Variants in ASAP1 observed in about 807,000 individuals in gnomAD.
ASAP1 encodes ArfGAP with SH3 domain, ankyrin repeat and PH domain 1, also known as arf-GAP with SH3 domain, ANK repeat and PH domain-containing protein 1.
Under a neutral mutation model 145.2 loss-of-function variants are expected in ASAP1, and 43 were observed. The observed-to-expected ratio is 0.30, with a 90% CI of 0.23 to 0.38. The LOEUF (loss-of-function observed/expected upper bound fraction) is 0.38. Among genes scored for constraint, ASAP1 ranks in the 10% least tolerant of loss-of-function variants. ASAP1 has a pLI of 1.00. For synonymous variants in ASAP1, 546 were observed against 515.5 expected, an observed-to-expected ratio of 1.06 and a Z score of -0.80; for missense variants, 1,018 against 1,355.3, an observed-to-expected ratio of 0.75 and a Z score of 3.91.
chr8:130,395,533 G>A (rs1306136842), intron 2 of ASAP1, among the ~76,000 whole-genome samples: 1 of 152,210 alleles, frequency 6.6e-6, no homozygotes, highest in Non-Finnish European at 1.5e-5. Context: ...GCAAGCTGAG[G>A]AACATCAACG....
At chr8:130,407,382 G>C (rs1438071026) in intron 1 of ASAP1, among the ~76,000 whole-genome samples, 1 of 152,210 alleles carries the variant, frequency 6.6e-6, no homozygotes, top group Non-Finnish European at 1.5e-5. Flanking sequence ...CATAGTCTCA[G>C]GCTGAGATGC....
At chr8:130,415,767 T>C (rs1256111325) in intron 1 of ASAP1, among the ~76,000 whole-genome samples, 2 of 139,948 alleles carry the variant, frequency 1.4e-5, no homozygotes, top group African/African-American at 2.7e-5. Context: ...GCAACAAGAG[T>C]GAAACTCCAT....
intron 3 of ASAP1, among the ~76,000 whole-genome samples, chr8:130,310,825 C>T (rs757209594): frequency 6.6e-6 from 1 of 152,164 alleles, no homozygotes; most frequent in Non-Finnish European, 1.5e-5. Flanking sequence ...AGGAACAATT[C>T]CATTTCCCTA....
At chr8:130,142,901 AG>A (rs1167220340) in intron 13 of ASAP1, among the ~76,000 whole-genome samples, 1 of 152,118 alleles carries the variant, frequency 6.6e-6, no homozygotes, top group African/African-American at 2.4e-5. Flanking sequence ...TTGGTGGGAA[AG>A]GTAGAGGAGG....
chr8:130,330,031 AT>A (rs1285910534), intron 3 of ASAP1, among the ~76,000 whole-genome samples: 1 of 152,214 alleles, frequency 6.6e-6, no homozygotes, highest in African/African-American at 2.4e-5. Context: ...TTGTAATCTA[AT>A]TCCTCAATTT....
At chr8:130,431,955 G>T (rs1478196053) in intron 1 of ASAP1, among the ~76,000 whole-genome samples, 1 of 128,356 alleles carries the variant, frequency 7.8e-6, no homozygotes. Context: ...AAAGGAGGAA[G>T]GAGGAGGAGG....
intron 3 of ASAP1, among the ~76,000 whole-genome samples, chr8:130,286,103 T>C (rs1325851432): frequency 6.6e-6 from 1 of 152,206 alleles, no homozygotes; most frequent in Non-Finnish European, 1.5e-5. Context: ...CAGGCAGAAT[T>C]ATTTGCTATT....
At chr8:130,315,733 A>G (rs1801840200) in intron 3 of ASAP1, among the ~76,000 whole-genome samples, 1 of 152,206 alleles carries the variant, frequency 6.6e-6, no homozygotes, top group African/African-American at 2.4e-5. Flanking sequence ...TGGAATGACT[A>G]TTACAGTGTA....
At chr8:130,122,400 T>C (rs2097567833) in intron 18 of ASAP1, among the ~76,000 whole-genome samples, 1 of 152,216 alleles carries the variant, frequency 6.6e-6, no homozygotes, top group Admixed American at 6.5e-5. Context: ...AGGTTCACTT[T>C]ATGCTTCTGG....
intron 24 of ASAP1, among the ~76,000 whole-genome samples, chr8:130,109,978 G>A (rs2135568823): frequency 6.6e-6 from 1 of 152,250 alleles, no homozygotes; most frequent in East Asian, 1.9e-4. Flanking sequence ...GGGGGAAGTG[G>A]GGAAAGTACT....
chr8:130,111,909 C>G (rs2097547526), intron 24 of ASAP1, among the ~76,000 whole-genome samples, 185 bp downstream of exon 24: 1 of 152,218 alleles, frequency 6.6e-6, no homozygotes, highest in African/African-American at 2.4e-5. Context: ...ACAGCACTGC[C>G]TGTCCTGCTC....
chr8:130,058,190 G>A (rs927638721), intron 28 of ASAP1, 114 bp from the exon 29 acceptor site: 7 of 1,160,606 alleles, frequency 6.0e-6, no homozygotes. Flanking sequence ...GCTGAGCCTT[G>A]ATTTCCTCAC....
At position 130,401,947 on chromosome 8, in the gene ASAP1, T is replaced by A. The variant is rs750979928; in HGVS notation, c.-4A>T. ...GCCTGGAGGCTGAAGATCTCATGTC[T>A]CAGCCGTCACATCAGAAAACGACCT... is the stretch of plus-strand genomic sequence containing the variant. On this transcript the variant is annotated 5_prime_UTR_variant, in exon 2 of 30. Transcript: ENST00000518721. 6.2e-7 allele frequency: 1 copy of A among 1,613,142 alleles called. No individual in the cohort carries two copies. The highest frequency in any genetic ancestry group is 1.1e-5 in the South Asian group (1 of 90,892).
intron 2 of ASAP1, among the ~76,000 whole-genome samples, chr8:130,388,839 G>C (rs962393983): frequency 6.6e-6 from 1 of 152,168 alleles, no homozygotes; most frequent in Admixed American, 6.5e-5. Context: ...GCTTTCCTTA[G>C]AGCCTGGGGA....
intron 9 of ASAP1, among the ~76,000 whole-genome samples, chr8:130,173,458 G>A (rs6991714): frequency 0.18 from 27,811 of 152,016 alleles, 3,043 homozygotes; most frequent in East Asian, 0.43. Context: ...GTTTTAGCTC[G>A]TCCTAGTTCA....
At position 130,399,880 on chromosome 8, in the gene ASAP1, C is replaced by T. The variant is rs186619577; in HGVS notation, c.59+2005G>A. On this transcript the variant is annotated intron_variant, in intron 2 of 29. Transcript: ENST00000518721. ...TGCCCAGGCTGGAGTAGTACAATGG[C>T]GCAATCTCGGCTCACCAAAACCTCT... Among the ~76,000 whole-genome samples, 209 of 141,534 alleles carry T rather than the reference C, an allele frequency of 1.5e-3. 1 individual carries two copies. Among genetic ancestry groups the T allele is most frequent in the African/African-American group, 5.2e-3 (193 of 36,768 alleles). The allele number at this position is 141,534 out of a possible 152,430, so 92.9% of individuals were successfully genotyped here. A position where few individuals can be genotyped will look rare whatever the true frequency, so the allele number is the denominator to read the frequency against.
chr8:130,110,301 C>G (rs531852958), intron 24 of ASAP1, among the ~76,000 whole-genome samples: 1 of 152,320 alleles, frequency 6.6e-6, no homozygotes, highest in African/African-American at 2.4e-5. Flanking sequence ...GCTCTCTGAA[C>G]AGGCATAGGC....
intron 25 of ASAP1, among the ~76,000 whole-genome samples, chr8:130,090,092 CCCTGA>C (rs2097502359): frequency 6.6e-6 from 1 of 152,152 alleles, no homozygotes; most frequent in Non-Finnish European, 1.5e-5. Flanking sequence ...AAAAAATGCT[CCCTGA>C]CCCATCAACA....
At chr8:130,286,319 T>C (rs564928064) in intron 3 of ASAP1, among the ~76,000 whole-genome samples, 43 of 152,344 alleles carry the variant, frequency 2.8e-4, no homozygotes, top group African/African-American at 1.0e-3. Flanking sequence ...CTCAATTAAC[T>C]AAAAACAAAG....
Sources: allele counts gnomAD v4.1 joint callset (sites outside exome capture counted in the v4.1 genomes callset), GRCh38; gene constraint gnomAD v4.1.1; transcripts MANE v1.5; gene names NCBI Gene and HGNC (gene_info 2026-07-23, HGNC 2026-07-21).